NLGN1: variants seen among roughly 807,000 people sequenced by gnomAD.
The protein encoded by NLGN1 is neuroligin-1.
A neutral mutation model predicts 65.5 loss-of-function variants in NLGN1; 12 were observed. The ratio of observed to expected loss-of-function variants is 0.18; its 90% CI spans 0.12 to 0.30. The LOEUF (loss-of-function observed/expected upper bound fraction) is 0.30. Ranked by LOEUF, NLGN1 falls within the 10% of genes least tolerant of loss-of-function variation. The pLI is 1.00. For missense variants in NLGN1, 750 were observed against 1,007.1 expected (o/e 0.74, Z 3.46); for synonymous variants, 350 against 359.5 (o/e 0.97, Z 0.30).
At chr3:173,872,952 C>T (rs976975764) in intron 4 of NLGN1, among the ~76,000 whole-genome samples, 4 of 151,858 alleles carry the variant, frequency 2.6e-5, no homozygotes, top group African/African-American at 4.8e-5. Flanking sequence ...GGATGTGAAA[C>T]GATCTTAGAG....
chr3:174,195,753 T>C (rs1471794875), intron 4 of NLGN1, among the ~76,000 whole-genome samples: 1 of 152,012 alleles, frequency 6.6e-6, no homozygotes, highest in African/African-American at 2.4e-5. Context: ...TGATTCAACT[T>C]TTGGAAACCA....
chr3:173,440,110 C>A (rs1346028250), intron 2 of NLGN1, among the ~76,000 whole-genome samples: 1 of 152,096 alleles, frequency 6.6e-6, no homozygotes, highest in African/African-American at 2.4e-5. Flanking sequence ...GCATCTTTAC[C>A]AGGAGTAGAT....
chr3:174,130,088 T>C (rs1014819857), intron 4 of NLGN1, among the ~76,000 whole-genome samples: 3 of 152,148 alleles, frequency 2.0e-5, no homozygotes, highest in African/African-American at 7.2e-5. Flanking sequence ...AATCACTGTA[T>C]AGAAGGCCGG....
chr3:173,806,635 T>C lies in NLGN1; in HGVS notation c.494-1045T>C, dbSNP rs114241985. Reference sequence around the variant, plus strand: ...ATATAGTAGTTCAAATATTTCAATCTATATAATACGTAGATAGAACTATGT... The same window carrying C: ...ATATAGTAGTTCAAATATTTCAATCCATATAATACGTAGATAGAACTATGT... On this transcript the variant is annotated intron_variant, in intron 3 of 6. Transcript: ENST00000457714. Among the ~76,000 whole-genome samples, 1,161 of 152,254 alleles carry C rather than the reference T, an allele frequency of 7.6e-3. 19 individuals carry two copies. Among genetic ancestry groups the C allele is most frequent in the African/African-American group, 0.026 (1,091 of 41,580 alleles).
intron 4 of NLGN1, among the ~76,000 whole-genome samples, chr3:174,250,489 G>A (rs533321580): frequency 6.0e-4 from 91 of 152,236 alleles, no homozygotes; most frequent in Middle Eastern, 3.4e-3. Context: ...CTTGAAGAGC[G>A]AGCATCTGTT....
intron 4 of NLGN1, among the ~76,000 whole-genome samples, chr3:174,178,813 C>T (rs1729895724): frequency 6.6e-6 from 1 of 151,950 alleles, no homozygotes; most frequent in Non-Finnish European, 1.5e-5. Flanking sequence ...GCCTGATGTG[C>T]TTTTTATGGT....
intron 4 of NLGN1, among the ~76,000 whole-genome samples, chr3:173,839,673 T>A (rs2220420): frequency 5.9e-5 from 9 of 151,586 alleles, no homozygotes; most frequent in Admixed American, 6.6e-5. Context: ...CACCTGCCTC[T>A]GCCTCCCAAA....
intron 2 of NLGN1, among the ~76,000 whole-genome samples, chr3:173,459,872 G>T (rs1723084592): frequency 6.6e-6 from 1 of 151,912 alleles, no homozygotes; most frequent in South Asian, 2.1e-4. Flanking sequence ...TTATAATCAG[G>T]AGCCTTATTT....
intron 1 of NLGN1, among the ~76,000 whole-genome samples, chr3:173,428,675 TG>T (rs1170490111): frequency 6.6e-6 from 1 of 152,106 alleles, no homozygotes; most frequent in Non-Finnish European, 1.5e-5. Context: ...AAGGTATAAG[TG>T]GTTGATACAT....
intron 3 of NLGN1, among the ~76,000 whole-genome samples, chr3:173,720,084 A>C (rs1770569832): frequency 6.6e-6 from 1 of 152,220 alleles, no homozygotes; most frequent in African/African-American, 2.4e-5. Flanking sequence ...ACTGCATTCC[A>C]GCCTAGGCGA....
chr3:173,538,653 G>T (rs1398108142), intron 2 of NLGN1, among the ~76,000 whole-genome samples: 1 of 152,120 alleles, frequency 6.6e-6, no homozygotes, highest in African/African-American at 2.4e-5. Context: ...GCTGGTCTCC[G>T]CTGCTGGGAG....
chr3:174,175,718 A>G (rs1302257412), intron 4 of NLGN1, among the ~76,000 whole-genome samples: 1 of 151,980 alleles, frequency 6.6e-6, no homozygotes, highest in African/African-American at 2.4e-5. Context: ...TGTGAGGTAC[A>G]ATTTTTTTCA....
At chr3:173,742,885 C>T (rs1774861169) in intron 3 of NLGN1, among the ~76,000 whole-genome samples, 1 of 152,034 alleles carries the variant, frequency 6.6e-6, no homozygotes, top group Non-Finnish European at 1.5e-5. Context: ...GCTATTTTGT[C>T]TAAGTTATTC....
chr3:173,754,047 T>A (rs113767072), intron 3 of NLGN1, among the ~76,000 whole-genome samples: 8 of 137,662 alleles, frequency 5.8e-5, no homozygotes, highest in African/African-American at 2.2e-4. Flanking sequence ...TGTTTTTTTT[T>A]TTGTTGTTGT....
chr3:173,571,775 G>T lies in NLGN1; in HGVS notation c.-320-32504G>T, dbSNP rs369138934. Among the ~76,000 whole-genome samples the T allele has an allele frequency of 2.3e-3, 344 of 152,132 alleles. 2 individuals carry two copies. The highest frequency in any genetic ancestry group is 7.5e-3 in the African/African-American group (310 of 41,528). On this transcript the variant is annotated intron_variant, in intron 2 of 6. Transcript: ENST00000457714. ...TGTTTGTTTTTTGTTGTTGTTGTTG[G>T]TGGTGATCTTTTAATGGAGCATTTC...
At chr3:173,532,841 A>T (rs1457766951) in intron 2 of NLGN1, among the ~76,000 whole-genome samples, 2 of 152,158 alleles carry the variant, frequency 1.3e-5, no homozygotes, top group East Asian at 3.9e-4. Flanking sequence ...CTCCATGTTT[A>T]TTGCAGGTTG....
intron 3 of NLGN1, among the ~76,000 whole-genome samples, chr3:173,780,090 A>G (rs907593201): frequency 6.6e-6 from 1 of 152,190 alleles, no homozygotes; most frequent in African/African-American, 2.4e-5. Context: ...ATGGCTGCCC[A>G]TGGAATATAT....
chr3:174,224,141 G>A lies in NLGN1; in HGVS notation c.647-51174G>A, dbSNP rs1020059238. Among the ~76,000 whole-genome samples, 5 of 151,858 alleles carry A rather than the reference G, an allele frequency of 3.3e-5. 1 individual carries two copies. The highest frequency in any genetic ancestry group is 2.1e-4 in the South Asian group (1 of 4,830). Reference sequence around the variant, plus strand: ...CACTTTCTGTTTGCTTATCTTTCTCGTTCCATAGAGCAACCACTTTCAGGG... The same window carrying A: ...CACTTTCTGTTTGCTTATCTTTCTCATTCCATAGAGCAACCACTTTCAGGG... On this transcript the variant is annotated intron_variant, in intron 4 of 6. Coordinates refer to ENST00000457714, the Ensembl canonical transcript of NLGN1.
Position 174,107,017 on chromosome 3 carries a change from CAGAGAGAGAGAGAG to C in NLGN1, c.647-168276_647-168263del, listed in dbSNP as rs71162376. Among the ~76,000 whole-genome samples the C allele has an allele frequency of 2.5e-3, 243 of 97,680 alleles. 1 individual carries two copies. The highest frequency in any genetic ancestry group is 9.4e-3 in the African/African-American group (226 of 23,990). 64.1% of individuals were successfully genotyped at this position (97,680 alleles called of 152,430 possible). A position where few individuals can be genotyped will look rare whatever the true frequency, so the allele number is the denominator to read the frequency against. On this transcript the variant is annotated intron_variant, in intron 4 of 6. Transcript: ENST00000457714. ...ACACACACACACACACACACACACA[CAGAGAGAGAGAGAG>C]AGAGAGAGAGAGAGAGAGAGAAATA...
Sources: allele counts gnomAD v4.1 joint callset (sites outside exome capture counted in the v4.1 genomes callset), GRCh38; gene constraint gnomAD v4.1.1; transcripts MANE v1.5; gene names NCBI Gene and HGNC (gene_info 2026-07-23, HGNC 2026-07-21).